CNIH3: variants seen among roughly 807,000 people sequenced by gnomAD.
CNIH3 encodes cornichon family AMPA receptor auxiliary protein 3.
Under a neutral mutation model 24.1 loss-of-function variants are expected in CNIH3, and 14 were observed. That is an observed-to-expected ratio of 0.58 (90% CI 0.38 to 0.91). The LOEUF (loss-of-function observed/expected upper bound fraction) is 0.91. Among genes scored for constraint, CNIH3 ranks in the 40% least tolerant of loss-of-function variants. The pLI, the probability that CNIH3 is intolerant of heterozygous loss-of-function variation, is 0.00. For missense variants in CNIH3, 178 were observed against 196.8 expected, an observed-to-expected ratio of 0.90 and a Z score of 0.57; for synonymous variants, 68 against 73.8, an observed-to-expected ratio of 0.92 and a Z score of 0.40.
chr1:224,708,825 G>A (rs1687970439), intron 3 of CNIH3, among the ~76,000 whole-genome samples: 1 of 152,090 alleles, frequency 6.6e-6, no homozygotes, highest in South Asian at 2.1e-4. Context: ...TTTTCCTCTT[G>A]CTCTGTACTA....
intron 3 of CNIH3, among the ~76,000 whole-genome samples, chr1:224,723,184 G>C (rs542986485): frequency 1.6e-4 from 24 of 152,172 alleles, no homozygotes; most frequent in Admixed American, 1.6e-3. Flanking sequence ...AGCAGAGCCC[G>C]GTGCAGTCCA....
At chr1:224,601,433 G>C (rs999959157) in intron 3 of CNIH3, among the ~76,000 whole-genome samples, 1 of 152,182 alleles carries the variant, frequency 6.6e-6, no homozygotes, top group Non-Finnish European at 1.5e-5. Flanking sequence ...CATTCACCCA[G>C]CTCCTGAGAT....
At chr1:224,648,728 G>T (rs1684735521) in intron 1 of CNIH3, among the ~76,000 whole-genome samples, 2 of 152,142 alleles carry the variant, frequency 1.3e-5, no homozygotes, top group African/African-American at 4.8e-5. Context: ...GGAACAACCT[G>T]TAAGGCCTTA....
chr1:224,616,504 G>A lies in CNIH3; in HGVS notation c.-671G>A. On this transcript the variant is annotated 5_prime_UTR_variant, in exon 1 of 6. Coordinates refer to ENST00000272133, the MANE Select transcript of CNIH3 (RefSeq NM_152495.2). ...TTGGGTTGCGGAGGCCGGCTGGCCG[G>A]AGTCACGGTTGGGGACGGGCGCGCC... 1.0e-6 allele frequency: 1 copy of A among 988,040 alleles called. No homozygotes were observed. The allele number at this position is 988,040 out of a possible 1,614,324, so 61.2% of individuals were successfully genotyped here.
chr1:224,686,789 T>G (rs1370138595), intron 3 of CNIH3, among the ~76,000 whole-genome samples: 1 of 152,242 alleles, frequency 6.6e-6, no homozygotes, highest in East Asian at 1.9e-4. Flanking sequence ...CAAGGTCCTG[T>G]GGCCCACAGA....
At chr1:224,488,426 A>G (rs376879676) in intron 1 of CNIH3, among the ~76,000 whole-genome samples, 1 of 114,474 alleles carries the variant, frequency 8.7e-6, no homozygotes, top group East Asian at 2.7e-4. Flanking sequence ...TTTCTTCTAT[A>G]TCTTTATTCT....
At chr1:224,597,273 G>A (rs1443676358) in intron 3 of CNIH3, among the ~76,000 whole-genome samples, 3 of 152,012 alleles carry the variant, frequency 2.0e-5, no homozygotes, top group Admixed American at 6.5e-5. Context: ...TCAAAGGAGG[G>A]ATCTCCCCAA....
chr1:224,671,022 C>T (rs139291116), intron 1 of CNIH3, among the ~76,000 whole-genome samples: 2 of 152,344 alleles, frequency 1.3e-5, no homozygotes, highest in African/African-American at 4.8e-5. Context: ...CCAACTTCCT[C>T]CGAGCAAGAG....
At chr1:224,613,058 G>A (rs1268587315), upstream of CNIH3, among the ~76,000 whole-genome samples, 8 of 152,194 alleles carry the variant, frequency 5.3e-5, no homozygotes, top group Admixed American at 1.3e-4. Context: ...GGGTGCAGTG[G>A]CATGATCACA....
chr1:224,617,467 T>C (rs567087096), intron 1 of CNIH3, among the ~76,000 whole-genome samples: 1 of 152,040 alleles, frequency 6.6e-6, no homozygotes, highest in Non-Finnish European at 1.5e-5. Context: ...GGTGCCCAGG[T>C]AGGACACCCT....
chr1:224,672,227 G>A (rs1685902164), intron 1 of CNIH3, among the ~76,000 whole-genome samples: 1 of 151,982 alleles, frequency 6.6e-6, no homozygotes, highest in African/African-American at 2.4e-5. Flanking sequence ...AAGGTTTGGG[G>A]GGAGTATAAA....
chr1:224,660,964 T>A (rs1685325007), intron 1 of CNIH3, among the ~76,000 whole-genome samples: 1 of 152,202 alleles, frequency 6.6e-6, no homozygotes, highest in African/African-American at 2.4e-5. Context: ...TTTACATCAA[T>A]TTTTAAAACA....
At chr1:224,573,928 A>T (rs980347447) in intron 4 of CNIH3, among the ~76,000 whole-genome samples, 1 of 152,172 alleles carries the variant, frequency 6.6e-6, no homozygotes, top group Non-Finnish European at 1.5e-5. Context: ...TCTTTTAAAA[A>T]AAAGCATTAT....
intron 3 of CNIH3, among the ~76,000 whole-genome samples, chr1:224,550,777 TG>T (rs1679884890): frequency 1.3e-5 from 2 of 152,124 alleles, no homozygotes; most frequent in Non-Finnish European, 2.9e-5. Flanking sequence ...TATGTATACA[TG>T]TGCCATGTTG....
intron 3 of CNIH3, among the ~76,000 whole-genome samples, chr1:224,719,287 T>C (rs187963966): frequency 1.4e-3 from 210 of 152,142 alleles, no homozygotes; most frequent in African/African-American, 4.7e-3. Context: ...TTCAGGAGCA[T>C]GGGGAGCTTT....
chr1:224,676,273 C>T (rs1686135827), intron 1 of CNIH3, among the ~76,000 whole-genome samples: 1 of 152,000 alleles, frequency 6.6e-6, no homozygotes, highest in South Asian at 2.1e-4. Flanking sequence ...TGCGTGATTC[C>T]ATTTATGTGA....
At chr1:224,707,123 C>T (rs1369635533) in intron 3 of CNIH3, among the ~76,000 whole-genome samples, 1 of 151,550 alleles carries the variant, frequency 6.6e-6, no homozygotes, top group Non-Finnish European at 1.5e-5. Context: ...GCCACCACAC[C>T]CGGCTAATTT....
At position 224,739,318 on chromosome 1, in the gene CNIH3, T is replaced by TTTTC; in HGVS notation, c.456-9_456-8insTCTT. The TTTTC allele has an allele frequency of 6.5e-7, 1 of 1,539,818 alleles. No homozygotes were observed. Among genetic ancestry groups the TTTTC allele is most frequent in the Non-Finnish European group, 8.7e-7 (1 of 1,147,980 alleles). On this transcript the variant is annotated splice_polypyrimidine_tract_variant and intron_variant, in intron 5 of 5. Transcript: ENST00000272133. ...CTCTTTTTTTTTTTTTTTTTTTTTT[T>TTTTC]TTGCATTCAGCATGATCTACACTTT...
At chr1:224,734,514 G>T (rs368742963) in intron 4 of CNIH3, 49 bp from the exon 5 acceptor site, 28 of 1,599,544 alleles carry the variant, frequency 1.8e-5, no homozygotes, top group Non-Finnish European at 2.4e-5. Context: ...CCCAGGTTAC[G>T]CCAGAAGTAC....
Sources: allele counts gnomAD v4.1 joint callset (sites outside exome capture counted in the v4.1 genomes callset), GRCh38; gene constraint gnomAD v4.1.1; transcripts MANE v1.5; gene names NCBI Gene and HGNC (gene_info 2026-07-23, HGNC 2026-07-21).